LAYN: variants seen among roughly 807,000 people sequenced by gnomAD.
LAYN encodes layilin.
In LAYN, 38 loss-of-function variants were observed where a neutral mutation model predicts 43.6. That is an observed-to-expected ratio of 0.87 (90% CI 0.67 to 1.14). The LOEUF (loss-of-function observed/expected upper bound fraction) is 1.14, where lower values mean the gene tolerates loss of function less well. Ranked by LOEUF, LAYN falls within the 50% of genes most tolerant of loss-of-function variation. LAYN has a pLI of 0.00. For missense variants in LAYN, 479 were observed against 463.8 expected (o/e 1.03, Z -0.30); for synonymous variants, 168 against 172.9 (o/e 0.97, Z 0.22).
chr11:111,560,615 A>G lies in LAYN; in HGVS notation c.*157A>G. The stretch of plus-strand genomic sequence containing the variant: ...CCCCACGACCTCCTGTTGGACCCCC[A>G]CGTTTTGGCTGTATCCTTTATCCCA... On this transcript the variant is annotated 3_prime_UTR_variant, in exon 7 of 7. Transcript: ENST00000375614. 1.3e-6 allele frequency: 1 copy of G among 798,030 alleles called. No homozygotes were observed. Among genetic ancestry groups the G allele is most frequent in the Non-Finnish European group, 1.9e-6 (1 of 516,996 alleles). The allele number at this position is 798,030 out of a possible 1,614,324, so 49.4% of individuals were successfully genotyped here.
intron 3 of LAYN, 147 bp from the exon 4 acceptor site, chr11:111,554,410 TAGCC>T: frequency 1.6e-6 from 1 of 641,198 alleles, no homozygotes; most frequent in Non-Finnish European, 2.7e-6. Context: ...TTTGATTTAC[TAGCC>T]CAGTTCCTGA....
Position 111,549,880 on chromosome 11 carries a change from G to A in LAYN, c.541+105G>A, listed in dbSNP as rs976624031. 3.3e-6 allele frequency: 4 copies of A among 1,211,638 alleles called. No individual in the cohort carries two copies. The African/African-American group carries it at 6.3e-5, about 19-fold the overall frequency. The allele number at this position is 1,211,638 out of a possible 1,614,324, so 75.1% of individuals were successfully genotyped here. On this transcript the variant is annotated intron_variant, in intron 3 of 6. Coordinates refer to ENST00000375614, the MANE Select transcript of LAYN (RefSeq NM_178834.5). ...TGTCATGTGGTCTCTGAGAAAGCTT[G>A]TTGCAAATGCCAGCAACATAAAACC...
chr11:111,540,706 C>G, upstream of LAYN: 1 of 773,382 alleles, frequency 1.3e-6, no homozygotes, highest in Non-Finnish European at 1.9e-6. Context: ...TCCGCGCCCT[C>G]CCCCCCGCCT....
In LAYN at chr11:111,540,914, G is replaced by T; in HGVS notation, c.71G>T (p.Gly24Val). ...CTGGTGGGGCTGCGGGCCGCGACGGGTCGCCTGCTGAGTGGTGAGTGCGCG... is the reference window on the plus strand; with the variant it reads ...CTGGTGGGGCTGCGGGCCGCGACGGTTCGCCTGCTGAGTGGTGAGTGCGCG... ...VLLVGLRAAT[G>V]RLLSGQPVCR... The change falls in exon 1 of 7, where the codon GGT becomes GTT. Residue 24 changes from glycine (G) to valine (V), a missense_variant. Physicochemically the swap from Gly to Val is moderately radical, Grantham distance 109. Transcript: ENST00000375614. 6.5e-7 allele frequency: 1 copy of T among 1,532,048 alleles called. No individual in the cohort carries two copies. Among genetic ancestry groups the T allele is most frequent in the Non-Finnish European group, 8.7e-7 (1 of 1,145,618 alleles). The allele number at this position is 1,532,048 out of a possible 1,614,324, so 94.9% of individuals were successfully genotyped here.
At chr11:111,549,265 A>T (rs1867698415) in intron 2 of LAYN, among the ~76,000 whole-genome samples, 1 of 152,196 alleles carries the variant, frequency 6.6e-6, no homozygotes. Context: ...TGCATCTGAG[A>T]TCTAAAAAAA....
chr11:111,557,290 G>C lies in LAYN; in HGVS notation c.659-251G>C, dbSNP rs377252446. On this transcript the variant is annotated intron_variant, in intron 5 of 6. Coordinates refer to ENST00000375614, the MANE Select transcript of LAYN (RefSeq NM_178834.5). ...TAGGGTAATAGGACAGGTAGAAAAT[G>C]CTCATCCATCGAAACCAGAAGACTC... Among the ~76,000 whole-genome samples the C allele has an allele frequency of 2.1e-4, 32 of 152,302 alleles. No homozygotes were observed. The South Asian group carries it at 6.4e-3, about 31-fold the overall frequency.
upstream of LAYN, chr11:111,540,451 C>G (rs563050141): frequency 5.3e-5 from 14 of 266,308 alleles, no homozygotes; most frequent in South Asian, 7.1e-4. Flanking sequence ...ACACTGTGCT[C>G]GTTATCAGAT....
rs542275 is a variant in LAYN, at chr11:111,560,889, C to T, written c.*431C>T. 86,156 of 156,116 alleles carry T rather than the reference C, an allele frequency of 0.55. 25,855 individuals carry two copies. The highest frequency in any genetic ancestry group is 0.96 in the East Asian group (5,113 of 5,322). 9.7% of individuals were successfully genotyped at this position (156,116 alleles called of 1,614,324 possible). On this transcript the variant is annotated 3_prime_UTR_variant, in exon 7 of 7. Coordinates refer to ENST00000375614, the MANE Select transcript of LAYN (RefSeq NM_178834.5). Reference sequence around the variant, plus strand: ...CAAAGCCCACATATGGTAGCACAGGCTGGCCTGTGCATCGGCAATTCTCAT... The same window carrying T: ...CAAAGCCCACATATGGTAGCACAGGTTGGCCTGTGCATCGGCAATTCTCAT...
chr11:111,550,051 G>A lies in LAYN; in HGVS notation c.541+276G>A, dbSNP rs528328251. On this transcript the variant is annotated intron_variant, in intron 3 of 6. Transcript: ENST00000375614. ...GTGATAAAGCAAGTCTTACAAGAAC[G>A]TCAGGAAATAAGCCCTTTAAGTGGA... Among the ~76,000 whole-genome samples, 36 of 152,334 alleles carry A rather than the reference G, an allele frequency of 2.4e-4. 1 individual carries two copies. In the South Asian group the frequency reaches 4.8e-3, roughly 20 times the overall value.
Position 111,560,478 on chromosome 11 carries a change from C to G in LAYN, c.*20C>G, listed in dbSNP as rs763888952. ...TATTAGGACATATAAAAAACTGAAACTGACAACAATGGAAAAGAAATGATA... is the reference window on the plus strand; with the variant it reads ...TATTAGGACATATAAAAAACTGAAAGTGACAACAATGGAAAAGAAATGATA... On this transcript the variant is annotated 3_prime_UTR_variant, in exon 7 of 7. Transcript: ENST00000375614. The G allele has an allele frequency of 1.3e-6, 2 of 1,585,810 alleles. No homozygotes were observed. The highest frequency in any genetic ancestry group is 2.2e-5 in the East Asian group (1 of 44,590).
chr11:111,557,375 T>C (rs1867865179), intron 5 of LAYN, among the ~76,000 whole-genome samples, 166 bp from the exon 6 acceptor site: 1 of 152,254 alleles, frequency 6.6e-6, no homozygotes, highest in Non-Finnish European at 1.5e-5. Context: ...GAATACTCTG[T>C]GTTGATTAGC....
rs757342842 is a variant in LAYN, at chr11:111,560,278, TC to T, written c.948del (p.Asp317MetfsTer12). The T allele has an allele frequency of 4.2e-5, 67 of 1,613,994 alleles. No individual in the cohort carries two copies. Among genetic ancestry groups the T allele is most frequent in the Admixed American group, 3.3e-4 (20 of 59,992 alleles). ...SFRVCSGEATPDDMSCDYDNM... is the reference protein window; with the variant it reads ...SFRVCSGEATXDDMSCDYDNM... ...TCCGAGTGTGTTCGGGAGAAGCCAC[TC>T]CCGATGACATGTCTTGTGACTATGA... On this transcript the variant is annotated frameshift_variant, in exon 7 of 7. Transcript: ENST00000375614. LOFTEE classifies it high-confidence loss of function.
At chr11:111,541,590 A>G in intron 1 of LAYN, 1 of 1,535,444 alleles carries the variant, frequency 6.5e-7, no homozygotes, top group African/African-American at 1.4e-5. Flanking sequence ...GAGGAGGTAA[A>G]GTGCTCTGGC....
At chr11:111,547,215 T>C (rs1206369896) in intron 2 of LAYN, among the ~76,000 whole-genome samples, 3 of 152,238 alleles carry the variant, frequency 2.0e-5, no homozygotes, top group Admixed American at 2.0e-4. Flanking sequence ...AAAGGGATGT[T>C]CTGGTATTCC....
At chr11:111,554,029 C>T (rs1867789689) in intron 3 of LAYN, among the ~76,000 whole-genome samples, 1 of 152,226 alleles carries the variant, frequency 6.6e-6, no homozygotes, top group South Asian at 2.1e-4. Context: ...AGCTCTAGAT[C>T]ACCAGCCTCT....
chr11:111,559,969 T>G lies in LAYN; in HGVS notation c.762-126T>G, dbSNP rs991371250. 3.6e-6 allele frequency: 4 copies of G among 1,114,532 alleles called. No homozygotes were observed. In the South Asian group the frequency reaches 6.4e-5, roughly 18 times the overall value. The allele number at this position is 1,114,532 out of a possible 1,614,324, so 69.0% of individuals were successfully genotyped here. A position where few individuals can be genotyped will look rare whatever the true frequency, so the allele number is the denominator to read the frequency against. On this transcript the variant is annotated intron_variant, in intron 6 of 6. Coordinates refer to ENST00000375614, the MANE Select transcript of LAYN (RefSeq NM_178834.5). ...CCACTCCGAAGCCCTGGCCTGTAAG[T>G]TACATAGACGAGACATGCAGCTGGG...
rs1254275541 is a variant in LAYN at position 111,561,542 on chromosome 11, T to C, written c.*1084T>C. 2.0e-5 allele frequency: 3 copies of C among 152,220 alleles called. No individual in the cohort carries two copies. The highest frequency in any genetic ancestry group is 7.2e-5 in the African/African-American group (3 of 41,452). 9.4% of individuals were successfully genotyped at this position (152,220 alleles called of 1,614,324 possible). ...TTGTTGACAGACCTCATTGTTTCAA[T>C]TGTGTTTGGCCTCAAATTCAGAGAA... On this transcript the variant is annotated 3_prime_UTR_variant, in exon 7 of 7. Coordinates refer to ENST00000375614, the MANE Select transcript of LAYN (RefSeq NM_178834.5).
chr11:111,558,878 C>A (rs1867893332), intron 6 of LAYN, among the ~76,000 whole-genome samples: 1 of 151,782 alleles, frequency 6.6e-6, no homozygotes, highest in African/African-American at 2.4e-5. Context: ...ACCTCCGCCT[C>A]CCGGGTTCAA....
chr11:111,557,923 C>A (rs1365482635), intron 6 of LAYN, among the ~76,000 whole-genome samples: 2 of 152,214 alleles, frequency 1.3e-5, no homozygotes, highest in African/African-American at 2.4e-5. Flanking sequence ...CGTGCACTCA[C>A]ACGTCACCCA....
Sources: gnomAD v4.1 joint callset for allele counts (sites outside exome capture counted in the v4.1 genomes callset) on GRCh38, gnomAD v4.1.1 for gene constraint, MANE v1.5 for transcripts, NCBI Gene and HGNC (gene_info 2026-07-23, HGNC 2026-07-21) for gene names.